Variants in LRRC7 observed in about 807,000 individuals in gnomAD.
LRRC7 encodes leucine rich repeat containing 7.
LRRC7 carries 23 observed loss-of-function variants against 175.7 expected under a neutral mutation model. That is an observed-to-expected ratio of 0.13 (90% CI 0.09 to 0.19). The LOEUF (loss-of-function observed/expected upper bound fraction) is 0.19, where lower values mean the gene tolerates loss of function less well. Among genes scored for constraint, LRRC7 ranks in the 10% least tolerant of loss-of-function variants. LRRC7 has a pLI of 1.00. For missense variants in LRRC7, 1,354 were observed against 1,904.7 expected (o/e 0.71, Z 5.38); for synonymous variants, 685 against 680.9 (o/e 1.01, Z -0.09).
In LRRC7 at chr1:69,766,653, C is replaced by T. The variant is rs191970877; in HGVS notation, c.303+6260C>T. Among the ~76,000 whole-genome samples the T allele has an allele frequency of 9.5e-4, 144 of 152,238 alleles. 2 individuals carry two copies. The highest frequency in any genetic ancestry group is 2.5e-3 in the Admixed American group (38 of 15,272). ...TGATGCTGCTTTTACCTCAGCATGA[C>T]GCAGATCAGTTGATCCCAGGCTTCT... is the stretch of plus-strand genomic sequence containing the variant. On this transcript the variant is annotated intron_variant, in intron 3 of 26. Coordinates refer to ENST00000651989, the MANE Select transcript of LRRC7 (RefSeq NM_001370785.2).
intron 1 of LRRC7, 93 bp downstream of exon 1, chr1:69,568,734 G>T: frequency 1.2e-5 from 11 of 910,454 alleles, no homozygotes; most frequent in Non-Finnish European, 1.6e-5. Flanking sequence ...CCCAGAGGCC[G>T]GCCGGGGGCG....
chr1:69,762,445 T>C (rs1242883162), intron 3 of LRRC7, among the ~76,000 whole-genome samples: 1 of 151,946 alleles, frequency 6.6e-6, no homozygotes. Context: ...AGCGTATGTA[T>C]AGAGAAGAGC....
chr1:69,888,104 T>C lies in LRRC7; in HGVS notation c.648-43403T>C, dbSNP rs959406698. 6.7e-5 allele frequency among the ~76,000 whole-genome samples: 9 copies of C among 133,774 alleles called. 2 individuals carry two copies. The highest frequency in any genetic ancestry group is 1.5e-4 in the Admixed American group (2 of 13,402). 87.8% of individuals were successfully genotyped at this position (133,774 alleles called of 152,430 possible). A position where few individuals can be genotyped will look rare whatever the true frequency, so the allele number is the denominator to read the frequency against. The stretch of plus-strand genomic sequence containing the variant: ...GTGCCCTGTCTCCAGAGGTGGCGCC[T>C]ACAGAGGCAGGCAGGCCTCCTTGAG... On this transcript the variant is annotated intron_variant, in intron 7 of 26. Coordinates refer to ENST00000651989, the MANE Select transcript of LRRC7 (RefSeq NM_001370785.2).
intron 1 of LRRC7, among the ~76,000 whole-genome samples, chr1:69,673,749 T>C (rs921901845): frequency 5.9e-5 from 9 of 152,192 alleles, no homozygotes; most frequent in African/African-American, 1.7e-4. Flanking sequence ...GGGCATCACA[T>C]ATAGCATTCC....
intron 2 of LRRC7, among the ~76,000 whole-genome samples, chr1:69,714,044 A>G (rs977246008): frequency 1.1e-4 from 16 of 152,144 alleles, no homozygotes; most frequent in African/African-American, 3.9e-4. Flanking sequence ...AAAAAGAGTC[A>G]TATGCAGAGA....
chr1:69,989,534 A>G (rs1475630497), intron 10 of LRRC7, among the ~76,000 whole-genome samples: 3 of 152,160 alleles, frequency 2.0e-5, no homozygotes, highest in Non-Finnish European at 4.4e-5. Flanking sequence ...GTTGGAAGAC[A>G]GTGCTGAGGA....
chr1:69,718,172 G>GAAAGAAAGAAAGAAAGAAAGAAAA (rs762929332), intron 2 of LRRC7, among the ~76,000 whole-genome samples: 1 of 142,892 alleles, frequency 7.0e-6, no homozygotes, highest in Non-Finnish European at 1.5e-5. Context: ...AAGAAAGAAA[G>GAAAGAAAGAAAGAAAGAAAGAAAA]AAGAAAAGAA....
chr1:70,043,573 G>T (rs1340670695), intron 21 of LRRC7, among the ~76,000 whole-genome samples: 1 of 152,122 alleles, frequency 6.6e-6, no homozygotes, highest in Middle Eastern at 3.2e-3. Context: ...AGAGAACAAA[G>T]ATCTGCAGCT....
At chr1:69,891,422 G>T (rs745781466) in intron 7 of LRRC7, among the ~76,000 whole-genome samples, 2 of 152,126 alleles carry the variant, frequency 1.3e-5, no homozygotes, top group African/African-American at 4.8e-5. Flanking sequence ...AATTACAATA[G>T]TAGTAACATC....
chr1:70,039,339 C>T lies in LRRC7; in HGVS notation c.3515C>T (p.Pro1172Leu). 3 of 1,614,010 alleles carry T rather than the reference C, an allele frequency of 1.9e-6. No individual in the cohort carries two copies. The highest frequency in any genetic ancestry group is 1.7e-4 in the Middle Eastern group (1 of 6,060). The stretch of plus-strand genomic sequence containing the variant: ...GCCATGTTTAGAAGGGTCAATGAGC[C>T]TCATGAGCTGCCCCCAACTGATAGG... ...EMAMFRRVNEPHELPPTDRYG... is the reference protein window; with the variant it reads ...EMAMFRRVNELHELPPTDRYG... Residue 1172 changes from proline (P) to leucine (L), a missense_variant, in exon 21 of 27, where the codon CCT becomes CTT. Transcript: ENST00000651989.
intron 11 of LRRC7, among the ~76,000 whole-genome samples, chr1:69,997,218 G>A (rs1033129197): frequency 9.2e-5 from 14 of 152,218 alleles, no homozygotes; most frequent in Admixed American, 2.0e-4. Flanking sequence ...GTTGGTGTAT[G>A]AGAATGCTTG....
At chr1:69,725,045 C>G (rs182664307) in intron 2 of LRRC7, among the ~76,000 whole-genome samples, 1 of 151,812 alleles carries the variant, frequency 6.6e-6, no homozygotes, top group Non-Finnish European at 1.5e-5. Context: ...TACTAATACC[C>G]GCTGTTTACT....
intron 2 of LRRC7, among the ~76,000 whole-genome samples, chr1:69,681,379 ACT>A (rs920733655): frequency 1.3e-5 from 2 of 152,036 alleles, no homozygotes; most frequent in African/African-American, 4.8e-5. Context: ...TAAGGAAATC[ACT>A]CTTTCATTTG....
At chr1:69,751,381 TTAC>T (rs1429215722) in intron 2 of LRRC7, among the ~76,000 whole-genome samples, 1 of 151,890 alleles carries the variant, frequency 6.6e-6, no homozygotes, top group African/African-American at 2.4e-5. Context: ...TTCATTGGCA[TTAC>T]TACTAGAAGA....
At chr1:69,932,879 G>A (rs1420009095) in intron 8 of LRRC7, among the ~76,000 whole-genome samples, 1 of 152,248 alleles carries the variant, frequency 6.6e-6, no homozygotes, top group Admixed American at 6.5e-5. Flanking sequence ...TCTCTGGGCT[G>A]CTGTCTGCAG....
chr1:70,045,123 A>G (rs1660226407), intron 22 of LRRC7, among the ~76,000 whole-genome samples: 1 of 152,060 alleles, frequency 6.6e-6, no homozygotes, highest in Non-Finnish European at 1.5e-5. Context: ...TAGAATAACA[A>G]AATCAAGAAG....
intron 22 of LRRC7, among the ~76,000 whole-genome samples, 183 bp from the exon 23 acceptor site, chr1:70,052,843 C>T (rs1223024276): frequency 6.6e-6 from 1 of 151,892 alleles, no homozygotes; most frequent in African/African-American, 2.4e-5. Flanking sequence ...TTCATTGCTT[C>T]CAAAAAGCTT....
rs1470261888 is a variant in LRRC7, at chr1:70,136,406, T to C, written c.*14519T>C. On this transcript the variant is annotated 3_prime_UTR_variant, in exon 27 of 27. Coordinates refer to ENST00000651989, the MANE Select transcript of LRRC7 (RefSeq NM_001370785.2). ...AGGTTTGTCCTCTAGCCAATCTATATGTTTATCCTTTTTTAAAAAATTATT... is the reference window on the plus strand; with the variant it reads ...AGGTTTGTCCTCTAGCCAATCTATACGTTTATCCTTTTTTAAAAAATTATT... Among the ~76,000 whole-genome samples, 1 of 152,178 alleles carries C rather than the reference T, an allele frequency of 6.6e-6. No homozygotes were observed. The highest frequency in any genetic ancestry group is 2.4e-5 in the African/African-American group (1 of 41,444).
intron 2 of LRRC7, among the ~76,000 whole-genome samples, chr1:69,725,300 C>A (rs544965278): frequency 6.6e-6 from 1 of 152,102 alleles, no homozygotes; most frequent in South Asian, 2.1e-4. Context: ...TTGGAGGTGG[C>A]AAAGGTGGAA....
Sources: gnomAD v4.1 joint callset for allele counts (sites outside exome capture counted in the v4.1 genomes callset) on GRCh38, gnomAD v4.1.1 for gene constraint, MANE v1.5 for transcripts, NCBI Gene and HGNC (gene_info 2026-07-23, HGNC 2026-07-21) for gene names.